The following ROBO1 variants were observed in gnomAD, a reference collection of about 807,000 sequenced individuals.
The protein encoded by ROBO1 is roundabout homolog 1.
In ROBO1, 149 loss-of-function variants were observed where a neutral mutation model predicts 195.9. The ratio of observed to expected loss-of-function variants is 0.76; its 90% confidence interval spans 0.67 to 0.87. The LOEUF (loss-of-function observed/expected upper bound fraction) is 0.87. Ranked by LOEUF, ROBO1 falls within the 40% of genes least tolerant of loss-of-function variation. The pLI, the probability that ROBO1 is intolerant of heterozygous loss-of-function variation, is 0.00. For synonymous variants in ROBO1, 816 were observed against 733.2 expected (o/e 1.11, Z -1.82); for missense variants, 1,933 against 2,068.3 (o/e 0.93, Z 1.27).
intron 4 of ROBO1, among the ~76,000 whole-genome samples, chr3:78,860,326 A>ATATATATATATTTTTTT (rs376853384): frequency 2.1e-5 from 2 of 93,506 alleles, no homozygotes; most frequent in African/African-American, 9.0e-5. Context: ...ATATATATAT[A>ATATATATATATTTTTTT]TTTTTTTTTT....
chr3:79,651,301 T>G (rs1292479564), intron 1 of ROBO1, among the ~76,000 whole-genome samples: 1 of 152,108 alleles, frequency 6.6e-6, no homozygotes, highest in Non-Finnish European at 1.5e-5. Context: ...AATTGATAAA[T>G]GTATGCAAAA....
At chr3:78,726,257 T>C (rs191005167) in intron 5 of ROBO1, among the ~76,000 whole-genome samples, 8 of 152,258 alleles carry the variant, frequency 5.3e-5, no homozygotes, top group Admixed American at 5.2e-4. Flanking sequence ...AATAATAGAA[T>C]ATTGATTATA....
chr3:79,723,643 G>C (rs765541820), intron 1 of ROBO1, among the ~76,000 whole-genome samples: 3 of 152,048 alleles, frequency 2.0e-5, no homozygotes, highest in Non-Finnish European at 4.4e-5. Context: ...CATTGTTTTA[G>C]ATATTTTAAT....
chr3:78,627,096 T>TGTAA (rs1704845016), intron 26 of ROBO1, among the ~76,000 whole-genome samples: 1 of 152,176 alleles, frequency 6.6e-6, no homozygotes, highest in Admixed American at 6.5e-5. Flanking sequence ...GGGTGAGTAT[T>TGTAA]AATACACATT....
intron 2 of ROBO1, among the ~76,000 whole-genome samples, chr3:79,141,311 A>G (rs991054566): frequency 1.3e-5 from 2 of 152,142 alleles, no homozygotes; most frequent in Admixed American, 6.5e-5. Flanking sequence ...CATTCACTCA[A>G]CTGCTAAAGG....
At chr3:79,594,390 T>A (rs2107835193) in intron 1 of ROBO1, among the ~76,000 whole-genome samples, 1 of 152,000 alleles carries the variant, frequency 6.6e-6, no homozygotes, top group South Asian at 2.1e-4. Context: ...ATACTAAGAG[T>A]GTATATACAT....
chr3:79,311,552 T>G (rs759014540), intron 2 of ROBO1, among the ~76,000 whole-genome samples: 1 of 152,174 alleles, frequency 6.6e-6, no homozygotes, highest in Non-Finnish European at 1.5e-5. Flanking sequence ...AGGTTAATCA[T>G]GCAGGTAAGA....
chr3:79,731,019 C>T (rs921917511), intron 1 of ROBO1, among the ~76,000 whole-genome samples: 12 of 151,888 alleles, frequency 7.9e-5, no homozygotes, highest in Non-Finnish European at 1.2e-4. Flanking sequence ...CCTCGTGATC[C>T]GTGTTTCCTA....
intron 4 of ROBO1, among the ~76,000 whole-genome samples, chr3:78,871,338 T>C (rs534439449): frequency 9.2e-5 from 14 of 152,334 alleles, no homozygotes; most frequent in Non-Finnish European, 1.3e-4. Context: ...ATTTTTATTA[T>C]GTAATTTAGA....
chr3:78,698,596 T>C (rs540007713), intron 8 of ROBO1, among the ~76,000 whole-genome samples: 1 of 152,266 alleles, frequency 6.6e-6, no homozygotes, highest in Non-Finnish European at 1.5e-5. Context: ...AGAGAGCTAC[T>C]AGCATTTAGT....
chr3:78,812,471 C>T (rs1028748973), intron 4 of ROBO1, among the ~76,000 whole-genome samples: 1 of 152,106 alleles, frequency 6.6e-6, no homozygotes, highest in Non-Finnish European at 1.5e-5. Context: ...CCCTCTTTCA[C>T]CTCCTTCAGA....
chr3:79,491,220 C>T (rs1939437281), intron 2 of ROBO1, among the ~76,000 whole-genome samples: 1 of 89,094 alleles, frequency 1.1e-5, no homozygotes, highest in Non-Finnish European at 2.3e-5. Flanking sequence ...CGGGGATCGG[C>T]TCTTTTTTTT....
At chr3:79,400,061 T>G (rs933014710) in intron 2 of ROBO1, among the ~76,000 whole-genome samples, 1 of 152,140 alleles carries the variant, frequency 6.6e-6, no homozygotes, top group Non-Finnish European at 1.5e-5. Flanking sequence ...TGTGTTCTGA[T>G]CAGTCCTCTG....
intron 4 of ROBO1, among the ~76,000 whole-genome samples, chr3:78,819,669 A>G (rs927998370): frequency 7.2e-5 from 11 of 152,080 alleles, no homozygotes; most frequent in African/African-American, 2.4e-4. Flanking sequence ...CCCTACTCCA[A>G]TATCAACTAT....
At position 78,704,585 on chromosome 3, in the gene ROBO1, AACACACACAT is replaced by A. The variant is rs1321821957; in HGVS notation, c.1045+9802_1045+9811del. On this transcript the variant is annotated intron_variant, in intron 8 of 30. Transcript: ENST00000464233. Reference sequence around the variant, plus strand: ...GAAATAATTATCTAATGGTTCATTAAACACACACATACACACACACACACACACAGACACA... The same window carrying A: ...GAAATAATTATCTAATGGTTCATTAAACACACACACACACACACAGACACA... Among the ~76,000 whole-genome samples, 10 of 132,620 alleles carry A rather than the reference AACACACACAT, an allele frequency of 7.5e-5. No individual in the cohort carries two copies. The East Asian group carries it at 2.0e-3, about 27-fold the overall frequency. The allele number at this position is 132,620 out of a possible 152,430, so 87.0% of individuals were successfully genotyped here. A position where few individuals can be genotyped will look rare whatever the true frequency, so the allele number is the denominator to read the frequency against.
intron 3 of ROBO1, among the ~76,000 whole-genome samples, chr3:79,124,433 T>C (rs1377525864): frequency 6.6e-6 from 1 of 152,186 alleles, no homozygotes; most frequent in Admixed American, 6.5e-5. Flanking sequence ...GTGAGGATGC[T>C]TCAAAAGTAA....
intron 2 of ROBO1, among the ~76,000 whole-genome samples, chr3:79,377,640 G>A (rs1298747749): frequency 6.6e-6 from 1 of 152,084 alleles, no homozygotes. Flanking sequence ...TGTGTCATAT[G>A]TTATTTTGAC....
chr3:78,940,786 T>G (rs2040086054), intron 3 of ROBO1, among the ~76,000 whole-genome samples: 1 of 152,206 alleles, frequency 6.6e-6, no homozygotes, highest in Non-Finnish European at 1.5e-5. Context: ...TTCTGTAAGA[T>G]CTGTGGGTCT....
intron 2 of ROBO1, among the ~76,000 whole-genome samples, chr3:79,217,565 G>C (rs1196697578): frequency 6.6e-6 from 1 of 151,856 alleles, no homozygotes; most frequent in Non-Finnish European, 1.5e-5. Context: ...ACTTCCTATA[G>C]ACTGGCATCT....
Sources: allele counts gnomAD v4.1 joint callset (sites outside exome capture counted in the v4.1 genomes callset), GRCh38; gene constraint gnomAD v4.1.1; transcripts MANE v1.5; gene names NCBI Gene and HGNC (gene_info 2026-07-23, HGNC 2026-07-21).